The following APOB variants were observed in gnomAD, a reference collection of about 807,000 sequenced individuals.
The protein encoded by APOB is apolipoprotein B-100.
In APOB, 153 loss-of-function variants were observed where a neutral mutation model predicts 314.1. That is an observed-to-expected ratio of 0.49 (90% CI 0.43 to 0.56). The LOEUF is 0.56. Ranked by LOEUF, APOB falls within the 20% of genes least tolerant of loss-of-function variation. APOB has a pLI of 0.00. For missense variants in APOB, 5,430 were observed against 5,350.7 expected (o/e 1.01, Z -0.46); for synonymous variants, 2,087 against 2,036.4 (o/e 1.02, Z -0.67).
Position 21,010,511 on chromosome 2 carries a change from T to C in APOB, c.6357A>G (p.Pro2119=), listed in dbSNP as rs1663278035. ...RKYRAALGKL[P]QQANDYLNSF... ...AATTCAGATAATCATTAGCTTGCTG[T>C]GGGAGTTTTCCCAGGGCTGCTCTGT... Residue 2119 remains proline (P), a synonymous_variant, in exon 26 of 29, where the codon CCA becomes CCG. Transcript: ENST00000233242. The C allele has an allele frequency of 1.2e-6, 2 of 1,609,954 alleles. No individual in the cohort carries two copies. The highest frequency in any genetic ancestry group is 1.7e-6 in the Non-Finnish European group (2 of 1,176,852).
Position 21,012,596 on chromosome 2 carries a change from C to A in APOB, c.4272G>T (p.Gly1424=). ...HKNTFTLSCD[G]SLRHKFLDSN... is the part of the protein sequence containing the mutation. Reference sequence around the variant, plus strand: ...AATCTAGAAATTTGTGGCGTAGAGACCCATCACATGATAGTGTGAACGTAT... The same window carrying A: ...AATCTAGAAATTTGTGGCGTAGAGAACCATCACATGATAGTGTGAACGTAT... Residue 1424 remains glycine, a synonymous_variant, in exon 26 of 29, where the codon GGG becomes GGT. Coordinates refer to ENST00000233242, the MANE Select transcript of APOB (RefSeq NM_000384.3). 3 of 1,613,176 alleles carry A rather than the reference C, an allele frequency of 1.9e-6. No individual in the cohort carries two copies. The highest frequency in any genetic ancestry group is 3.3e-4 in the Middle Eastern group (2 of 6,060).
At position 21,028,546 on chromosome 2, in the gene APOB, C is replaced by A; in HGVS notation, c.1618-8G>T. The A allele has an allele frequency of 6.3e-7, 1 of 1,599,610 alleles. No individual in the cohort carries two copies. Among genetic ancestry groups the A allele is most frequent in the South Asian group, 1.1e-5 (1 of 90,830 alleles). Reference sequence around the variant, plus strand: ...AAGAAGAACCTCCTGGTCCTGCAGTCAAAAGAGGAGATGGTTATCACTGTC... The same window carrying A: ...AAGAAGAACCTCCTGGTCCTGCAGTAAAAAGAGGAGATGGTTATCACTGTC... On this transcript the variant is annotated splice_region_variant and splice_polypyrimidine_tract_variant and intron_variant, in intron 12 of 28. Transcript: ENST00000233242.
Position 21,011,508 on chromosome 2 carries a change from T to G in APOB, c.5360A>C (p.Gln1787Pro). The G allele has an allele frequency of 6.2e-7, 1 of 1,614,162 alleles. No homozygotes were observed. The highest frequency in any genetic ancestry group is 8.5e-7 in the Non-Finnish European group (1 of 1,180,000). Residue 1787 changes from glutamine to proline, a missense_variant, in exon 26 of 29, where the codon CAG (glutamine) becomes CCG (proline). Gln to Pro is a moderately conservative substitution (Grantham distance 76). Transcript: ENST00000233242. ...DKFYKQTVNL[Q>P]LQPYSLVTTL... The stretch of plus-strand genomic sequence containing the variant: ...AGTTACCAGAGAATAGGGCTGTAGC[T>G]GTAAATTAACAGTTTGCTTATAAAA...
intron 13 of APOB, 90 bp downstream of exon 13, chr2:21,028,237 C>T (rs1663787506): frequency 7.2e-6 from 9 of 1,258,150 alleles, no homozygotes; most frequent in Middle Eastern, 1.9e-4. Flanking sequence ...GTTTCAGAAG[C>T]AAGGGCAGAC....
In APOB at chr2:21,005,718, T is replaced by A. The variant is rs1389515931; in HGVS notation, c.11150A>T (p.Tyr3717Phe). Residue 3717 changes from tyrosine (Y) to phenylalanine (F), a missense_variant, in exon 26 of 29, where the codon TAT becomes TTT. Physicochemically the swap from Tyr to Phe is conservative, Grantham distance 22. Transcript: ENST00000233242. ...AFVYTKNPNG[Y>F]SFSIPVKVLA... ...AACTTTTACAGGGATGGAGAATGAA[T>A]AGCCATTGGGGTTTTTGGTGTACAC... 1 of 1,613,972 alleles carries A rather than the reference T, an allele frequency of 6.2e-7. No individual in the cohort carries two copies. Among genetic ancestry groups the A allele is most frequent in the African/African-American group, 1.3e-5 (1 of 75,046 alleles).
chr2:21,016,533 T>C lies in APOB; in HGVS notation c.3238A>G (p.Asn1080Asp). ...GTTTTGCCCTCAGTAGATTCATCAT[T>C]AACTCTGAGGATTGTTCCGAGGTCA... ...DVDLGTILRVNDESTEGKTSY... is the reference protein window; with the variant it reads ...DVDLGTILRVDDESTEGKTSY... Residue 1080 changes from asparagine (N) to aspartate (D), a missense_variant, in exon 21 of 29, where the codon AAT becomes GAT. Asn to Asp is a conservative substitution (Grantham distance 23). Coordinates refer to ENST00000233242, the MANE Select transcript of APOB (RefSeq NM_000384.3). 1 of 1,604,036 alleles carries C rather than the reference T, an allele frequency of 6.2e-7. No homozygotes were observed.
intron 20 of APOB, among the ~76,000 whole-genome samples, chr2:21,017,738 G>A (rs920526710): frequency 3.3e-5 from 5 of 152,090 alleles, no homozygotes; most frequent in East Asian, 1.9e-4. Context: ...CAAGATTCCC[G>A]GGCGTCCTTC....
In APOB at chr2:21,011,123, C is replaced by T. The variant is rs1187035106; in HGVS notation, c.5745G>A (p.Gly1915=). 4.2e-5 allele frequency: 68 copies of T among 1,614,194 alleles called. No individual in the cohort carries two copies. Among genetic ancestry groups the T allele is most frequent in the Non-Finnish European group, 5.3e-5 (63 of 1,180,024 alleles). ...MTIDAHTNGN[G]KLALWGEHTG... ...TATGTTCTCCCCAGAGAGCGAGTTT[C>T]CCATTGCCATTTGTATGTGCATCGA... Residue 1915 remains glycine, a synonymous_variant, in exon 26 of 29, where the codon GGG becomes GGA. Transcript: ENST00000233242.
intron 18 of APOB, among the ~76,000 whole-genome samples, chr2:21,020,762 A>G (rs1036934016): frequency 1.3e-5 from 2 of 152,216 alleles, no homozygotes; most frequent in Admixed American, 1.3e-4. Flanking sequence ...TGGGGGTGCC[A>G]CAAGACCAAG....
chr2:21,009,919 C>T lies in APOB; in HGVS notation c.6949G>A (p.Val2317Ile), dbSNP rs746796545. The T allele has an allele frequency of 6.2e-7, 1 of 1,613,974 alleles. No individual in the cohort carries two copies. ...ATAAGATTTATAACAAAGTGTTTGA[C>T]ATGCTCAAGAATGTCATTTATTCTT... ...FERINDILEHVKHFVINLIGD... is the reference protein window; with the variant it reads ...FERINDILEHIKHFVINLIGD... The change falls in exon 26 of 29, where the codon GTC (valine) becomes ATC (isoleucine). Residue 2317 changes from valine to isoleucine, a missense_variant. Around this residue, in one of 3 missense-constraint regions of APOB, gnomAD observed 3,281 missense variants for 3,171.0 expected, o/e 1.03. Transcript: ENST00000233242.
intron 10 of APOB, among the ~76,000 whole-genome samples, chr2:21,031,460 T>C (rs1663877436): frequency 6.6e-6 from 1 of 152,022 alleles, no homozygotes; most frequent in Non-Finnish European, 1.5e-5. Flanking sequence ...GGTGTGGAAG[T>C]GGAGGGAGAT....
In APOB at chr2:21,038,054, T is replaced by C. The variant is rs1664048362; in HGVS notation, c.441A>G (p.Lys147=). 6.2e-7 allele frequency: 1 copy of C among 1,614,098 alleles called. No homozygotes were observed. The highest frequency in any genetic ancestry group is 1.3e-5 in the African/African-American group (1 of 74,928). ...TGTTCAGGATGTAAGTAGGTTCATCTTTCTCCGGGTAAAGGAAAACCTGCT... is the reference window on the plus strand; with the variant it reads ...TGTTCAGGATGTAAGTAGGTTCATCCTTCTCCGGGTAAAGGAAAACCTGCT... ...EGKQVFLYPE[K]DEPTYILNIK... Residue 147 remains lysine (K), a synonymous_variant, in exon 5 of 29, where the codon AAA becomes AAG. Coordinates refer to ENST00000233242, the MANE Select transcript of APOB (RefSeq NM_000384.3).
In APOB at chr2:21,006,161, G is replaced by A. The variant is rs529369114; in HGVS notation, c.10707C>T (p.Asn3569=). 6.8e-6 allele frequency: 11 copies of A among 1,614,020 alleles called. No individual in the cohort carries two copies. Among genetic ancestry groups the A allele is most frequent in the South Asian group, 3.3e-5 (3 of 91,080 alleles). The change falls in exon 26 of 29, where the codon AAC becomes AAT. Residue 3569 remains asparagine, a synonymous_variant. Coordinates refer to ENST00000233242, the MANE Select transcript of APOB (RefSeq NM_000384.3). ...IYSLWEHSTK[N]HLQLEGLFFT... is the part of the protein sequence containing the mutation. ...AAAAGAGGCCCTCTAGCTGTAAGTG[G>A]TTTTTCGTACTGTGCTCCCAGAGGG...
rs1663356599 is a variant in APOB, at chr2:21,012,596, C to T, written c.4272G>A (p.Gly1424=). The T allele has an allele frequency of 2.5e-6, 4 of 1,613,176 alleles. No homozygotes were observed. The highest frequency in any genetic ancestry group is 2.2e-5 in the South Asian group (2 of 91,042). Reference sequence around the variant, plus strand: ...AATCTAGAAATTTGTGGCGTAGAGACCCATCACATGATAGTGTGAACGTAT... The same window carrying T: ...AATCTAGAAATTTGTGGCGTAGAGATCCATCACATGATAGTGTGAACGTAT... ...HKNTFTLSCD[G]SLRHKFLDSN... is the part of the protein sequence containing the mutation. The change falls in exon 26 of 29, where the codon GGG becomes GGA. Residue 1424 remains glycine, a synonymous_variant. Transcript: ENST00000233242.
intron 18 of APOB, among the ~76,000 whole-genome samples, chr2:21,022,187 C>T (rs1386840102): frequency 6.6e-6 from 1 of 152,052 alleles, no homozygotes; most frequent in Non-Finnish European, 1.5e-5. Flanking sequence ...GGCTGGTATC[C>T]AAACACCAGG....
At position 21,037,985 on chromosome 2, in the gene APOB, T is replaced by C. The variant is rs1558576031; in HGVS notation, c.510A>G (p.Thr170=). Residue 170 remains threonine, a synonymous_variant, in exon 5 of 29, where the codon ACA becomes ACG. Coordinates refer to ENST00000233242, the MANE Select transcript of APOB (RefSeq NM_000384.3). ...GAAACAACACTTGCTTGGCTTCTTC[T>C]GTCTCTGGGGGAACCAGGAGGGCAG... ...IISALLVPPE[T]EEAKQVLFLD... is the part of the protein sequence containing the mutation. 2 of 1,614,102 alleles carry C rather than the reference T, an allele frequency of 1.2e-6. No individual in the cohort carries two copies. Among genetic ancestry groups the C allele is most frequent in the African/African-American group, 2.7e-5 (2 of 74,930 alleles).
Position 21,015,175 on chromosome 2 carries a change from G to A in APOB, c.3594C>T (p.Ser1198=), listed in dbSNP as rs138243977. The A allele has an allele frequency of 1.9e-5, 30 of 1,614,078 alleles. No individual in the cohort carries two copies. The Middle Eastern group carries it at 4.9e-4, about 27-fold the overall frequency. Residue 1198 remains serine (S), a synonymous_variant, in exon 23 of 29, where the codon TCC becomes TCT. Transcript: ENST00000233242. ...ACATATGCAAGCTCTTAGGATAATC[G>A]GAGAGATCCACAGGGAAATTGGAAG... The part of the protein sequence containing the change: ...KMTSNFPVDL[S]DYPKSLHMYA...
At chr2:21,038,166 G>A (rs1158961286) in intron 4 of APOB, 55 bp from the exon 5 acceptor site, 2 of 1,598,668 alleles carry the variant, frequency 1.3e-6, no homozygotes, top group African/African-American at 1.3e-5. Flanking sequence ...CAACTTGCTG[G>A]AAGTAAGCTG....
In APOB at chr2:21,005,735, G is replaced by A. The variant is rs1234097207; in HGVS notation, c.11133C>T (p.Thr3711=). 2 of 1,613,844 alleles carry A rather than the reference G, an allele frequency of 1.2e-6. No homozygotes were observed. Among genetic ancestry groups the A allele is most frequent in the East Asian group, 2.2e-5 (1 of 44,874 alleles). ...HLRVSTAFVY[T]KNPNGYSFSI... ...AGAATGAATAGCCATTGGGGTTTTT[G>A]GTGTACACAAAGGCAGTTGAAACAC... The change falls in exon 26 of 29, where the codon ACC becomes ACT. Residue 3711 remains threonine (T), a synonymous_variant. Transcript: ENST00000233242.
Sources: gnomAD v4.1 joint callset for allele counts (sites outside exome capture counted in the v4.1 genomes callset) on GRCh38, gnomAD v4.1.1 for gene constraint, gnomAD v4.1.1 regional missense constraint, MANE v1.5 for transcripts, NCBI Gene and HGNC (gene_info 2026-07-23, HGNC 2026-07-21) for gene names.